CCNT2: variants seen among roughly 807,000 people sequenced by gnomAD.
CCNT2 encodes the protein cyclin-T2.
CCNT2 carries 18 observed loss-of-function variants against 70.0 expected under a neutral mutation model. The observed-to-expected ratio is 0.26, with a 90% CI of 0.18 to 0.38. The LOEUF (loss-of-function observed/expected upper bound fraction) is 0.38. CCNT2 is among the 10% of genes least tolerant of loss of function. The probability of loss-of-function intolerance (pLI) is 1.00; values close to 1 mark genes in which losing one functional copy is unlikely to be tolerated. For synonymous variants in CCNT2, 334 were observed against 313.3 expected (o/e 1.07, Z -0.70); for missense variants, 734 against 890.2 (o/e 0.82, Z 2.23).
At chr2:134,935,858 T>C (rs1681107602) in intron 2 of CCNT2, among the ~76,000 whole-genome samples, 1 of 152,134 alleles carries the variant, frequency 6.6e-6, no homozygotes, top group African/African-American at 2.4e-5. Flanking sequence ...AAGTTTCTAC[T>C]ATATTGGTTT....
intron 4 of CCNT2, among the ~76,000 whole-genome samples, chr2:134,939,578 G>C (rs1681414889): frequency 6.6e-6 from 1 of 152,042 alleles, no homozygotes; most frequent in Non-Finnish European, 1.5e-5. Context: ...CAATTCTCCT[G>C]CCTCAGCCTC....
chr2:134,952,360 T>A (rs1326918672), intron 7 of CCNT2, among the ~76,000 whole-genome samples: 1 of 102,574 alleles, frequency 9.7e-6, no homozygotes, highest in Non-Finnish European at 1.9e-5. Context: ...TAATGAAGAT[T>A]TTTTTTTTAT....
At position 134,918,913 on chromosome 2, in the gene CCNT2, A is replaced by G. The variant is rs777316708; in HGVS notation, c.59A>G (p.Asn20Ser). ...RWFFTREQLE[N>S]TPSRRCGVEA... is the part of the protein sequence containing the mutation. Reference sequence around the variant, plus strand: ...TTCTTTACTCGGGAACAGCTGGAGAACACGCCGAGCCGCCGCTGCGGAGTG... The same window carrying G: ...TTCTTTACTCGGGAACAGCTGGAGAGCACGCCGAGCCGCCGCTGCGGAGTG... Residue 20 changes from asparagine (N) to serine (S), a missense_variant, in exon 1 of 9, where the codon AAC becomes AGC. Coordinates refer to ENST00000264157, the MANE Select transcript of CCNT2 (RefSeq NM_058241.3). 5 of 1,614,000 alleles carry G rather than the reference A, an allele frequency of 3.1e-6. No individual in the cohort carries two copies. The highest frequency in any genetic ancestry group is 1.7e-5 in the Admixed American group (1 of 60,018).
rs560167914 is a variant in CCNT2, at chr2:134,938,597, G to A, written c.370-405G>A. ...CTTTTGAGGAATTACCACATGAAAT[G>A]TCCTAGAGTGAGTTTGTAAGCCAGG... is the stretch of plus-strand genomic sequence containing the variant. On this transcript the variant is annotated intron_variant, in intron 3 of 8. Transcript: ENST00000264157. Among the ~76,000 whole-genome samples the A allele has an allele frequency of 1.2e-4, 19 of 152,308 alleles. No homozygotes were observed. In the East Asian group the frequency reaches 3.5e-3, roughly 28 times the overall value.
intron 4 of CCNT2, among the ~76,000 whole-genome samples, chr2:134,942,296 G>A (rs1035273607): frequency 5.9e-5 from 9 of 151,930 alleles, no homozygotes; most frequent in Admixed American, 5.3e-4. Context: ...GTTGAATTCC[G>A]TCCTTAAATT....
intron 8 of CCNT2, 140 bp from the exon 9 acceptor site, chr2:134,953,090 C>T (rs1176205299): frequency 1.7e-6 from 1 of 598,022 alleles, no homozygotes; most frequent in Non-Finnish European, 2.8e-6. Flanking sequence ...TTACTGACAA[C>T]ATAAAATCTT....
chr2:134,948,434 A>G (rs1376970709), intron 7 of CCNT2, among the ~76,000 whole-genome samples: 1 of 152,256 alleles, frequency 6.6e-6, no homozygotes, highest in Non-Finnish European at 1.5e-5. Context: ...TTAAATGTGT[A>G]TACTGAAAGT....
At chr2:134,942,819 G>A (rs747722698) in intron 5 of CCNT2, 145 bp downstream of exon 5, 2 of 1,404,414 alleles carry the variant, frequency 1.4e-6, no homozygotes, top group Non-Finnish European at 1.9e-6. Flanking sequence ...TTACTTTTTA[G>A]TGTTCTACAT....
chr2:134,941,431 G>A (rs1681573162), intron 4 of CCNT2, among the ~76,000 whole-genome samples: 1 of 152,162 alleles, frequency 6.6e-6, no homozygotes, highest in Non-Finnish European at 1.5e-5. Context: ...AACTGTTTAT[G>A]TTACCAGTAA....
rs1262315289 is a variant in CCNT2 at position 134,953,837 on chromosome 2, T to C, written c.1382T>C (p.Val461Ala). 1 of 1,614,068 alleles carries C rather than the reference T, an allele frequency of 6.2e-7. No homozygotes were observed. Among genetic ancestry groups the C allele is most frequent in the Non-Finnish European group, 8.5e-7 (1 of 1,179,986 alleles). Residue 461 changes from valine to alanine, a missense_variant, in exon 9 of 9, where the codon GTA becomes GCA. Val to Ala is a moderately conservative substitution (Grantham distance 64). Around this residue, in one of 3 missense-constraint regions of CCNT2, gnomAD observed 532 missense variants for 556.9 expected, o/e 0.96. Coordinates refer to ENST00000264157, the MANE Select transcript of CCNT2 (RefSeq NM_058241.3). ...DVRDHYIAAQVEQQHKQGQSQ... is the reference protein window; with the variant it reads ...DVRDHYIAAQAEQQHKQGQSQ... The stretch of plus-strand genomic sequence containing the variant: ...AGGGATCATTATATAGCTGCCCAGG[T>C]AGAACAGCAGCACAAACAAGGGCAG...
In CCNT2 at chr2:134,957,908, T is replaced by C. The variant is rs967953363; in HGVS notation, c.*3260T>C. The C allele has an allele frequency of 1.3e-4, 20 of 152,224 alleles. No individual in the cohort carries two copies. The highest frequency in any genetic ancestry group is 4.6e-4 in the African/African-American group (19 of 41,462). 9.4% of individuals were successfully genotyped at this position (152,224 alleles called of 1,614,324 possible). On this transcript the variant is annotated 3_prime_UTR_variant, in exon 9 of 9. Coordinates refer to ENST00000264157, the MANE Select transcript of CCNT2 (RefSeq NM_058241.3). ...CAGATTGTATTAATAATTAATAGAA[T>C]ACCTAATTTTTTTGGCCTATCCTCT...
rs1222394451 is a variant in CCNT2, at chr2:134,955,443, G to A, written c.*795G>A. ...CCTAACTTTCTGAAGGCTTGAAGAG[G>A]AAAAAATAAAGTTTACATACTCTTG... On this transcript the variant is annotated 3_prime_UTR_variant, in exon 9 of 9. Transcript: ENST00000264157. 6.6e-6 allele frequency: 1 copy of A among 152,558 alleles called. No individual in the cohort carries two copies. Among genetic ancestry groups the A allele is most frequent in the Non-Finnish European group, 1.5e-5 (1 of 68,002 alleles). The allele number at this position is 152,558 out of a possible 1,614,324, so 9.5% of individuals were successfully genotyped here.
In CCNT2 at chr2:134,955,100, C is replaced by G. The variant is rs1378297504; in HGVS notation, c.*452C>G. On this transcript the variant is annotated 3_prime_UTR_variant, in exon 9 of 9. Transcript: ENST00000264157. Reference sequence around the variant, plus strand: ...AAGGGATAAAACAGTATACTGACAACTGTTTACAAGAAAGTGGAGAAAAAT... The same window carrying G: ...AAGGGATAAAACAGTATACTGACAAGTGTTTACAAGAAAGTGGAGAAAAAT... 6.3e-6 allele frequency: 1 copy of G among 158,264 alleles called. No individual in the cohort carries two copies. Among genetic ancestry groups the G allele is most frequent in the Non-Finnish European group, 1.4e-5 (1 of 71,172 alleles). 9.8% of individuals were successfully genotyped at this position (158,264 alleles called of 1,614,324 possible).
At chr2:134,949,394 A>G (rs978963360) in intron 7 of CCNT2, among the ~76,000 whole-genome samples, 2 of 152,244 alleles carry the variant, frequency 1.3e-5, no homozygotes, top group African/African-American at 4.8e-5. Context: ...GAAAGCAGCC[A>G]TAGGCAATTT....
In CCNT2 at chr2:134,929,613, C is replaced by CAGAGAGAGAGAGAGAGAGAGAGAGAGAG. The variant is rs140163816; in HGVS notation, c.241-7205_241-7204insGAGAGAGAGAGAGAGAGAGAGAGAGAGA. 9.4e-3 allele frequency among the ~76,000 whole-genome samples: 1,108 copies of CAGAGAGAGAGAGAGAGAGAGAGAGAGAG among 117,478 alleles called. 31 individuals carry two copies. Among genetic ancestry groups the CAGAGAGAGAGAGAGAGAGAGAGAGAGAG allele is most frequent in the African/African-American group, 0.016 (456 of 28,036 alleles). 77.1% of individuals were successfully genotyped at this position (117,478 alleles called of 152,430 possible). A position where few individuals can be genotyped will look rare whatever the true frequency, so the allele number is the denominator to read the frequency against. On this transcript the variant is annotated intron_variant, in intron 2 of 8. Coordinates refer to ENST00000264157, the MANE Select transcript of CCNT2 (RefSeq NM_058241.3). Reference sequence around the variant, plus strand: ...ACAGAGCAAGACCCTGTCTCAAAAACAGAGAGAGAGAGAGAGAGAGAGAAC... The same window carrying CAGAGAGAGAGAGAGAGAGAGAGAGAGAG: ...ACAGAGCAAGACCCTGTCTCAAAAACAGAGAGAGAGAGAGAGAGAGAGAGAGAGAGAGAGAGAGAGAGAGAGAGAGAAC...
Position 134,925,496 on chromosome 2 carries a change from C to T in CCNT2, c.240+5605C>T, listed in dbSNP as rs369298008. 1.2e-4 allele frequency among the ~76,000 whole-genome samples: 19 copies of T among 152,128 alleles called. 1 individual carries two copies. The highest frequency in any genetic ancestry group is 3.9e-4 in the African/African-American group (16 of 41,404). On this transcript the variant is annotated intron_variant, in intron 2 of 8. Coordinates refer to ENST00000264157, the MANE Select transcript of CCNT2 (RefSeq NM_058241.3). ...ATTTTTCCCCCAGCCTATTAATAGACATTTCATTAATGGAATCCTACAGTA... is the reference window on the plus strand; with the variant it reads ...ATTTTTCCCCCAGCCTATTAATAGATATTTCATTAATGGAATCCTACAGTA...
intron 2 of CCNT2, among the ~76,000 whole-genome samples, chr2:134,921,876 T>C (rs1194851509): frequency 2.6e-5 from 4 of 152,372 alleles, no homozygotes; most frequent in Middle Eastern, 3.4e-3. Context: ...GAAGGTAAAC[T>C]TCAGCATTTT....
In CCNT2 at chr2:134,938,999, C is replaced by T; in HGVS notation, c.370-3C>T. ...TCAATTTGATAATATTTTTATCTGA[C>T]AGGCTTACCTTCAACAGACTCAAGA... On this transcript the variant is annotated splice_region_variant and splice_polypyrimidine_tract_variant and intron_variant, in intron 3 of 8. Transcript: ENST00000264157. The T allele has an allele frequency of 6.3e-7, 1 of 1,594,064 alleles. No individual in the cohort carries two copies. Among genetic ancestry groups the T allele is most frequent in the Non-Finnish European group, 8.6e-7 (1 of 1,162,888 alleles).
chr2:134,926,673 G>A (rs1295567464), intron 2 of CCNT2, among the ~76,000 whole-genome samples: 2 of 152,204 alleles, frequency 1.3e-5, no homozygotes, highest in Admixed American at 1.3e-4. Context: ...ATCAAGTCCA[G>A]CACATGCCCC....
Sources: allele counts gnomAD v4.1 joint callset (sites outside exome capture counted in the v4.1 genomes callset), GRCh38; gene constraint gnomAD v4.1.1; regional missense constraint gnomAD v4.1.1; transcripts MANE v1.5; gene names NCBI Gene and HGNC (gene_info 2026-07-23, HGNC 2026-07-21).